The following PRKCH variants were observed in gnomAD, a reference collection of about 807,000 sequenced individuals.
The protein encoded by PRKCH is protein kinase C eta type.
PRKCH carries 28 observed loss-of-function variants against 82.5 expected under a neutral mutation model. The observed-to-expected ratio is 0.34, with a 90% CI of 0.25 to 0.47. The LOEUF (loss-of-function observed/expected upper bound fraction) is 0.47. Ranked by LOEUF, PRKCH falls within the 20% of genes least tolerant of loss-of-function variation. The pLI, the probability that PRKCH is intolerant of heterozygous loss-of-function variation, is 1.00. For missense variants in PRKCH, 705 were observed against 881.8 expected (o/e 0.80, Z 2.54); for synonymous variants, 322 against 327.4 (o/e 0.98, Z 0.18).
intron 10 of PRKCH, among the ~76,000 whole-genome samples, chr14:61,523,752 A>T (rs2042933287): frequency 6.6e-6 from 1 of 152,248 alleles, no homozygotes; most frequent in South Asian, 2.1e-4. Flanking sequence ...GACAATCATA[A>T]ATTGACTGTG....
At chr14:61,363,359 T>C (rs902205795) in intron 1 of PRKCH, among the ~76,000 whole-genome samples, 2 of 152,200 alleles carry the variant, frequency 1.3e-5, no homozygotes, top group African/African-American at 2.4e-5. Flanking sequence ...GAACCGATCA[T>C]GATAGGCTCA....
At chr14:61,378,088 G>T (rs993963987) in intron 1 of PRKCH, among the ~76,000 whole-genome samples, 1 of 152,156 alleles carries the variant, frequency 6.6e-6, no homozygotes, top group African/African-American at 2.4e-5. Context: ...GGTTGCTCCT[G>T]ACTCAGAATG....
At chr14:61,517,639 A>G (rs2042847108) in intron 10 of PRKCH, among the ~76,000 whole-genome samples, 1 of 152,210 alleles carries the variant, frequency 6.6e-6, no homozygotes, top group Admixed American at 6.5e-5. Context: ...TAGAACATTT[A>G]ATAGTTTCAC....
intron 2 of PRKCH, among the ~76,000 whole-genome samples, chr14:61,419,515 C>G (rs1202161095): frequency 6.6e-6 from 1 of 152,158 alleles, no homozygotes. Context: ...AAAAATGTCT[C>G]CAGACATTGC....
At chr14:61,535,196 G>C (rs940099855) in intron 12 of PRKCH, among the ~76,000 whole-genome samples, 5 of 152,138 alleles carry the variant, frequency 3.3e-5, no homozygotes, top group Non-Finnish European at 7.3e-5. Flanking sequence ...CATGGGTTCT[G>C]CAATACTCAG....
Position 61,485,566 on chromosome 14 carries a change from CTCG to C in PRKCH, c.1348_1350del (p.Arg450del). 2 of 1,614,106 alleles carry C rather than the reference CTCG, an allele frequency of 1.2e-6. No individual in the cohort carries two copies. Among genetic ancestry groups the C allele is most frequent in the Non-Finnish European group, 1.7e-6 (2 of 1,180,020 alleles). Reference sequence around the variant, plus strand: ...GACTTGATGTTCCACATTCAGAAGTCTCGTCGTTTTGATGAAGCACGAGCTCGC... The same window carrying C: ...GACTTGATGTTCCACATTCAGAAGTCTCGTTTTGATGAAGCACGAGCTCGC... On this transcript the variant is annotated inframe_deletion, in exon 10 of 14. Coordinates refer to ENST00000332981, the MANE Select transcript of PRKCH (RefSeq NM_006255.5).
chr14:61,296,525 G>A (rs561718162), intron 1 of PRKCH, among the ~76,000 whole-genome samples: 11 of 152,298 alleles, frequency 7.2e-5, no homozygotes, highest in African/African-American at 2.4e-4. Context: ...ATGGATCTCA[G>A]CTCAGCTTCA....
rs545710079 is a variant in PRKCH at position 61,413,430 on chromosome 14, C to T, written c.427+22142C>T. Among the ~76,000 whole-genome samples, 14 of 141,082 alleles carry T rather than the reference C, an allele frequency of 9.9e-5. No homozygotes were observed. In the East Asian group the frequency reaches 2.9e-3, roughly 29 times the overall value. 92.6% of individuals were successfully genotyped at this position (141,082 alleles called of 152,430 possible). ...CCCCCCCCCGCCCCGCCCATGTACCCTGTGCCTATATTCTAAGCAAGTGGC... is the reference window on the plus strand; with the variant it reads ...CCCCCCCCCGCCCCGCCCATGTACCTTGTGCCTATATTCTAAGCAAGTGGC... On this transcript the variant is annotated intron_variant, in intron 2 of 13. Coordinates refer to ENST00000332981, the MANE Select transcript of PRKCH (RefSeq NM_006255.5).
Position 61,518,424 on chromosome 14 carries a change from G to T in PRKCH, c.1434-10651G>T, listed in dbSNP as rs187334169. On this transcript the variant is annotated intron_variant, in intron 10 of 13. Transcript: ENST00000332981. Reference sequence around the variant, plus strand: ...TCTCCTGGGTGGGATAGTGATAGGGGATGTGGAATGCAAAAAAAAAAAAGA... The same window carrying T: ...TCTCCTGGGTGGGATAGTGATAGGGTATGTGGAATGCAAAAAAAAAAAAGA... Among the ~76,000 whole-genome samples the T allele has an allele frequency of 4.8e-5, 7 of 146,864 alleles. No homozygotes were observed. In the East Asian group the frequency reaches 1.4e-3, roughly 30 times the overall value.
intron 12 of PRKCH, among the ~76,000 whole-genome samples, chr14:61,533,543 C>G (rs957532558): frequency 6.6e-6 from 1 of 152,336 alleles, no homozygotes; most frequent in Middle Eastern, 3.4e-3. Context: ...AAGAACCTGC[C>G]TCCAGAGCAG....
At chr14:61,229,050 C>T (rs1214692881) in intron 1 of PRKCH, among the ~76,000 whole-genome samples, 1 of 151,910 alleles carries the variant, frequency 6.6e-6, no homozygotes, top group Admixed American at 6.6e-5. Context: ...CCCAGAAATT[C>T]CACTGGTAGG....
At chr14:61,507,906 T>G (rs1238113863) in intron 10 of PRKCH, among the ~76,000 whole-genome samples, 1 of 152,042 alleles carries the variant, frequency 6.6e-6, no homozygotes, top group Non-Finnish European at 1.5e-5. Context: ...AAAATTTTGC[T>G]AAGAGAGTAC....
chr14:61,335,118 G>A lies in PRKCH; in HGVS notation c.363+12654G>A, dbSNP rs562102272. Among the ~76,000 whole-genome samples the A allele has an allele frequency of 2.6e-3, 388 of 152,126 alleles. 3 individuals are homozygous for A. The highest frequency in any genetic ancestry group is 9.1e-3 in the African/African-American group (379 of 41,520). Reference sequence around the variant, plus strand: ...TGAGGAAATGAATATTTTTGACAAGGGCCTTCTGAAAAGAATCGTACTGGC... The same window carrying A: ...TGAGGAAATGAATATTTTTGACAAGAGCCTTCTGAAAAGAATCGTACTGGC... On this transcript the variant is annotated intron_variant, in intron 1 of 13. Coordinates refer to ENST00000332981, the MANE Select transcript of PRKCH (RefSeq NM_006255.5).
intron 2 of PRKCH, among the ~76,000 whole-genome samples, chr14:61,408,498 A>G (rs1168725367): frequency 6.6e-6 from 1 of 152,106 alleles, no homozygotes; most frequent in Non-Finnish European, 1.5e-5. Flanking sequence ...GGGGAGGACC[A>G]TCAGTTTTGG....
chr14:61,199,582 G>A (rs1348005592), intron 1 of PRKCH, among the ~76,000 whole-genome samples: 2 of 152,016 alleles, frequency 1.3e-5, no homozygotes, highest in Admixed American at 6.6e-5. Flanking sequence ...TTTGATGTTA[G>A]AGCAGCAACT....
At chr14:61,314,612 C>T (rs554434235) in intron 1 of PRKCH, among the ~76,000 whole-genome samples, 2 of 152,308 alleles carry the variant, frequency 1.3e-5, no homozygotes, top group African/African-American at 4.8e-5. Context: ...GTTCTGATCT[C>T]AATCCCTGGA....
chr14:61,275,948 T>G (rs757918259), intron 1 of PRKCH, among the ~76,000 whole-genome samples: 44 of 152,194 alleles, frequency 2.9e-4, no homozygotes, highest in Non-Finnish European at 5.6e-4. Context: ...TAATGCAAGG[T>G]GGCAAAGCAG....
At chr14:61,441,505 T>G (rs1036893363) in intron 2 of PRKCH, among the ~76,000 whole-genome samples, 6 of 152,194 alleles carry the variant, frequency 3.9e-5, no homozygotes, top group Admixed American at 2.0e-4. Context: ...TAGCTTCTGG[T>G]TCTTATGCGT....
intron 2 of PRKCH, among the ~76,000 whole-genome samples, chr14:61,425,459 G>C (rs562398778): frequency 6.6e-6 from 1 of 152,296 alleles, no homozygotes; most frequent in Admixed American, 6.5e-5. Flanking sequence ...TGCCCCACTG[G>C]ATTTTTGACT....
Sources: allele counts gnomAD v4.1 joint callset (sites outside exome capture counted in the v4.1 genomes callset), GRCh38; gene constraint gnomAD v4.1.1; transcripts MANE v1.5; gene names NCBI Gene and HGNC (gene_info 2026-07-23, HGNC 2026-07-21).